TNR: variants seen among roughly 807,000 people sequenced by gnomAD.
TNR encodes the protein tenascin R.
A neutral mutation model predicts 150.4 loss-of-function variants in TNR; 45 were observed. The ratio of observed to expected loss-of-function variants is 0.30; its 90% CI spans 0.24 to 0.38. The LOEUF is 0.38. Ranked by LOEUF, TNR falls within the 10% of genes least tolerant of loss-of-function variation. The probability of loss-of-function intolerance (pLI) is 1.00; values close to 1 mark genes in which losing one functional copy is unlikely to be tolerated. For missense variants in TNR, 1,544 were observed against 1,759.1 expected, an observed-to-expected ratio of 0.88 and a Z score of 2.19; for synonymous variants, 687 against 678.4, an observed-to-expected ratio of 1.01 and a Z score of -0.20.
chr1:175,663,046 T>C (rs1391822701), intron 1 of TNR, among the ~76,000 whole-genome samples: 1 of 152,234 alleles, frequency 6.6e-6, no homozygotes, highest in Non-Finnish European at 1.5e-5. Flanking sequence ...ATCCTCAGCA[T>C]AGCCCTTGGT....
intron 1 of TNR, among the ~76,000 whole-genome samples, chr1:175,703,725 A>G (rs1467163769): frequency 1.3e-5 from 2 of 152,240 alleles, no homozygotes; most frequent in South Asian, 2.1e-4. Context: ...ATATGAAAAG[A>G]TGTTCCCCAA....
In TNR at chr1:175,317,883, G is replaced by C. The variant is rs1262143307; in HGVS notation, c.*5474C>G. On this transcript the variant is annotated 3_prime_UTR_variant, in exon 23 of 23. Transcript: ENST00000367674. ...GCCTTATTAAGCTTGAGGAAGGAGA[G>C]AGGATTTCCCCTTTGGAGAAAATGC... 6.6e-6 allele frequency: 1 copy of C among 152,228 alleles called. No individual in the cohort carries two copies. Among genetic ancestry groups the C allele is most frequent in the Non-Finnish European group, 1.5e-5 (1 of 68,070 alleles). The allele number at this position is 152,228 out of a possible 1,614,324, so 9.4% of individuals were successfully genotyped here.
chr1:175,362,740 G>A lies in TNR; in HGVS notation c.2777C>T (p.Ala926Val), dbSNP rs745503260. The A allele has an allele frequency of 1.9e-6, 3 of 1,614,142 alleles. No individual in the cohort carries two copies. The Admixed American group carries it at 5.0e-5, about 27-fold the overall frequency. The part of the protein sequence containing the change: ...TEFTITRLNP[A>V]TEYEISLNSV... Reference sequence around the variant, plus strand: ...GTTGAGGCTGATTTCGTATTCGGTAGCTGGGTTCAGTCTGGTGATGGTGAA... The same window carrying A: ...GTTGAGGCTGATTTCGTATTCGGTAACTGGGTTCAGTCTGGTGATGGTGAA... The change falls in exon 14 of 23, where the codon GCT (alanine) becomes GTT (valine). Residue 926 changes from alanine (A) to valine (V), a missense_variant. By Grantham distance (64) the Ala-to-Val change is moderately conservative (BLOSUM62 0). This residue lies in a region of TNR where 1,254 missense variants were observed against 1,329.4 expected (regional missense o/e 0.94). Transcript: ENST00000367674.
intron 1 of TNR, among the ~76,000 whole-genome samples, chr1:175,623,553 C>G (rs528747405): frequency 4.6e-5 from 7 of 152,316 alleles, no homozygotes; most frequent in Non-Finnish European, 2.9e-5. Flanking sequence ...CCACATCAAG[C>G]CCCGTGGGAC....
intron 4 of TNR, among the ~76,000 whole-genome samples, 177 bp from the exon 5 acceptor site, chr1:175,396,984 T>C (rs1300273354): frequency 6.6e-6 from 1 of 152,202 alleles, no homozygotes; most frequent in Non-Finnish European, 1.5e-5. Flanking sequence ...TTTTGGTGCT[T>C]AGTACCCCAA....
intron 1 of TNR, among the ~76,000 whole-genome samples, chr1:175,591,573 T>C (rs542460434): frequency 6.6e-6 from 1 of 152,198 alleles, no homozygotes; most frequent in East Asian, 1.9e-4. Flanking sequence ...GCAAGGACAG[T>C]GTGGGGTGGT....
intron 1 of TNR, among the ~76,000 whole-genome samples, chr1:175,604,536 C>T (rs1301215591): frequency 6.6e-6 from 1 of 152,132 alleles, no homozygotes; most frequent in East Asian, 1.9e-4. Context: ...CACTTCCTTG[C>T]CCGATGCTAT....
intron 1 of TNR, among the ~76,000 whole-genome samples, chr1:175,567,279 A>C (rs1661682320): frequency 6.6e-6 from 1 of 152,210 alleles, no homozygotes; most frequent in Non-Finnish European, 1.5e-5. Context: ...AAGGTGGCCC[A>C]TGTCGAGGCA....
At chr1:175,430,725 T>G (rs1655225871) in intron 2 of TNR, among the ~76,000 whole-genome samples, 1 of 152,232 alleles carries the variant, frequency 6.6e-6, no homozygotes, top group Admixed American at 6.5e-5. Context: ...CATCCAAAGA[T>G]AACCATGTTT....
intron 1 of TNR, among the ~76,000 whole-genome samples, chr1:175,585,723 T>C (rs911724469): frequency 6.6e-6 from 1 of 152,220 alleles, no homozygotes; most frequent in African/African-American, 2.4e-5. Flanking sequence ...CTTCAGTTGC[T>C]GAAAATCTGT....
At chr1:175,409,077 G>C (rs1226986999) in intron 2 of TNR, among the ~76,000 whole-genome samples, 1 of 152,126 alleles carries the variant, frequency 6.6e-6, no homozygotes, top group Non-Finnish European at 1.5e-5. Flanking sequence ...AGCTCTACTC[G>C]CCTTCTCACT....
At chr1:175,506,793 G>A (rs1049689054) in intron 2 of TNR, among the ~76,000 whole-genome samples, 5 of 152,234 alleles carry the variant, frequency 3.3e-5, no homozygotes, top group Non-Finnish European at 7.3e-5. Context: ...GCAGGGAATA[G>A]CATTGGTCCC....
At chr1:175,519,921 A>G (rs1202847219) in intron 2 of TNR, among the ~76,000 whole-genome samples, 1 of 152,198 alleles carries the variant, frequency 6.6e-6, no homozygotes, top group South Asian at 2.1e-4. Flanking sequence ...TGCTTGTGTG[A>G]AGGAGCCCTG....
At chr1:175,598,627 T>TC (rs1269519105) in intron 1 of TNR, among the ~76,000 whole-genome samples, 1 of 152,168 alleles carries the variant, frequency 6.6e-6, no homozygotes, top group East Asian at 1.9e-4. Context: ...TTCTAAAAGG[T>TC]TATGAGTGTC....
At chr1:175,631,019 A>G (rs1264439519) in intron 1 of TNR, among the ~76,000 whole-genome samples, 1 of 152,232 alleles carries the variant, frequency 6.6e-6, no homozygotes, top group Non-Finnish European at 1.5e-5. Context: ...GGTACTACCC[A>G]GGACTGGGAA....
chr1:175,428,424 A>C (rs1655110936), intron 2 of TNR, among the ~76,000 whole-genome samples: 2 of 152,238 alleles, frequency 1.3e-5, no homozygotes, highest in African/African-American at 4.8e-5. Context: ...ATTATTGTTA[A>C]TGATGACAGG....
At chr1:175,635,054 ATC>A (rs1237105797) in intron 1 of TNR, among the ~76,000 whole-genome samples, 1 of 152,140 alleles carries the variant, frequency 6.6e-6, no homozygotes, top group African/African-American at 2.4e-5. Flanking sequence ...CAGGGACAGG[ATC>A]TCTAGTTTGT....
At chr1:175,417,584 A>T (rs1390095334) in intron 2 of TNR, among the ~76,000 whole-genome samples, 1 of 152,188 alleles carries the variant, frequency 6.6e-6, no homozygotes, top group Non-Finnish European at 1.5e-5. Context: ...TATGTGCTAA[A>T]CATGGGCTCA....
chr1:175,592,194 C>T (rs930713269), intron 1 of TNR, among the ~76,000 whole-genome samples: 1 of 152,150 alleles, frequency 6.6e-6, no homozygotes, highest in Non-Finnish European at 1.5e-5. Context: ...TAAGAGATAA[C>T]TTATGTAAAA....
Sources: allele counts gnomAD v4.1 joint callset (sites outside exome capture counted in the v4.1 genomes callset), GRCh38; gene constraint gnomAD v4.1.1; regional missense constraint gnomAD v4.1.1; transcripts MANE v1.5; gene names NCBI Gene and HGNC (gene_info 2026-07-23, HGNC 2026-07-21).